The following KCNMA1 variants were observed in gnomAD, a reference collection of about 807,000 sequenced individuals.
KCNMA1 encodes potassium calcium-activated channel subfamily M alpha 1.
In KCNMA1, 29 loss-of-function variants were observed where a neutral mutation model predicts 140.0. The observed-to-expected ratio is 0.21, with a 90% confidence interval of 0.15 to 0.28. KCNMA1 has a LOEUF of 0.28. Ranked by LOEUF, KCNMA1 falls within the 10% of genes least tolerant of loss-of-function variation. The pLI, the probability that KCNMA1 is intolerant of heterozygous loss-of-function variation, is 1.00. For missense variants in KCNMA1, 880 were observed against 1,602.2 expected (o/e 0.55, Z 7.70); for synonymous variants, 612 against 611.9 (o/e 1.00, Z 0.00).
chr10:76,907,236 GTGTGCATTTCAAA>G (rs1207144909), intron 25 of KCNMA1, among the ~76,000 whole-genome samples: 1 of 152,150 alleles, frequency 6.6e-6, no homozygotes, highest in Non-Finnish European at 1.5e-5. Context: ...AAACATTTTT[GTGTGCATTTCAAA>G]GGAGATGAGA....
intron 1 of KCNMA1, among the ~76,000 whole-genome samples, chr10:77,572,603 T>TATATATATATAA (rs1491270036): frequency 4.1e-5 from 4 of 98,668 alleles, no homozygotes; most frequent in African/African-American, 1.2e-4. Flanking sequence ...TATATATATA[T>TATATATATATAA]AAATTAGCTG....
intron 2 of KCNMA1, among the ~76,000 whole-genome samples, chr10:77,300,008 C>T (rs2076176703): frequency 1.3e-5 from 2 of 152,240 alleles, no homozygotes; most frequent in Admixed American, 6.5e-5. Flanking sequence ...TCTCCCTGGG[C>T]TGGGCTCCAT....
chr10:77,323,772 C>T (rs1052489117), intron 2 of KCNMA1, among the ~76,000 whole-genome samples: 1 of 152,168 alleles, frequency 6.6e-6, no homozygotes, highest in African/African-American at 2.4e-5. Flanking sequence ...AGTCAAGTTC[C>T]ATGTCAGGCC....
intron 3 of KCNMA1, among the ~76,000 whole-genome samples, chr10:77,225,430 G>T (rs372417676): frequency 6.6e-6 from 1 of 152,080 alleles, no homozygotes; most frequent in Non-Finnish European, 1.5e-5. Flanking sequence ...TGCCCCAGGG[G>T]ACTCCCCCTG....
chr10:76,966,029 C>T (rs1233326228), intron 20 of KCNMA1, among the ~76,000 whole-genome samples: 1 of 152,176 alleles, frequency 6.6e-6, no homozygotes, highest in Non-Finnish European at 1.5e-5. Context: ...CTCTGCTAAA[C>T]TATAAGCATT....
chr10:77,281,781 A>G (rs879561512), intron 2 of KCNMA1, among the ~76,000 whole-genome samples: 1 of 152,248 alleles, frequency 6.6e-6, no homozygotes, highest in Non-Finnish European at 1.5e-5. Flanking sequence ...CAAAAAAGCC[A>G]GACATAAAGG....
At chr10:77,480,946 C>T (rs1027446589) in intron 1 of KCNMA1, among the ~76,000 whole-genome samples, 6 of 135,840 alleles carry the variant, frequency 4.4e-5, no homozygotes, top group Admixed American at 2.3e-4. Flanking sequence ...CCTGTCTCTA[C>T]TAAAAATACA....
chr10:77,183,458 G>C lies in KCNMA1; in HGVS notation c.771C>G (p.Pro257=), dbSNP rs367642241. Residue 257 remains proline (P), a synonymous_variant, in exon 5 of 28, where the codon CCC becomes CCG. Coordinates refer to ENST00000286628, the MANE Select transcript of KCNMA1 (RefSeq NM_001161352.2). ...TGTTTAAGTACACAGACACAAACAC[G>C]GGGGGCACCGTGAAGAAATCCACTA... ...NSVVDFFTVP[P]VFVSVYLNRS... The C allele has an allele frequency of 6.2e-7, 1 of 1,613,622 alleles. No individual in the cohort carries two copies. Among genetic ancestry groups the C allele is most frequent in the Non-Finnish European group, 8.5e-7 (1 of 1,179,730 alleles).
intron 2 of KCNMA1, among the ~76,000 whole-genome samples, chr10:77,289,193 C>A (rs2072230326): frequency 6.6e-6 from 1 of 152,224 alleles, no homozygotes; most frequent in Non-Finnish European, 1.5e-5. Flanking sequence ...CCTTGGCAGG[C>A]AAACCACACA....
intron 1 of KCNMA1, among the ~76,000 whole-genome samples, chr10:77,506,565 T>G (rs1343428750): frequency 5.1e-5 from 6 of 117,986 alleles, no homozygotes; most frequent in African/African-American, 2.0e-4. Context: ...GAAAGAGAGA[T>G]GTTCCTAGAG....
At chr10:77,142,634 G>A (rs913265991) in intron 5 of KCNMA1, among the ~76,000 whole-genome samples, 5 of 152,108 alleles carry the variant, frequency 3.3e-5, no homozygotes, top group Non-Finnish European at 7.4e-5. Flanking sequence ...ATCTTGAAGA[G>A]GGAAGTAGAT....
At chr10:77,509,143 C>T in intron 1 of KCNMA1, among the ~76,000 whole-genome samples, 1 of 145,164 alleles carries the variant, frequency 6.9e-6, no homozygotes, top group Non-Finnish European at 1.5e-5. Flanking sequence ...TGTTGTTTGA[C>T]AGAGTATCAC....
At chr10:77,412,410 C>T (rs560174539) in intron 1 of KCNMA1, among the ~76,000 whole-genome samples, 21 of 152,322 alleles carry the variant, frequency 1.4e-4, no homozygotes, top group Non-Finnish European at 2.5e-4. Flanking sequence ...TTGAAACTGA[C>T]CCAGCAGCCC....
intron 19 of KCNMA1, among the ~76,000 whole-genome samples, chr10:76,999,842 T>C (rs1433010856): frequency 6.6e-6 from 1 of 152,160 alleles, no homozygotes. Flanking sequence ...AGAATGACTC[T>C]CTGGTCCTAG....
At chr10:77,615,265 G>A (rs1051899465) in intron 1 of KCNMA1, among the ~76,000 whole-genome samples, 1 of 152,198 alleles carries the variant, frequency 6.6e-6, no homozygotes, top group Non-Finnish European at 1.5e-5. Context: ...AGGCCCCAGA[G>A]CAGCCCCAGG....
At chr10:77,484,266 C>T (rs148077138) in intron 1 of KCNMA1, among the ~76,000 whole-genome samples, 1,531 of 152,320 alleles carry the variant, frequency 0.01, 25 homozygotes, top group African/African-American at 0.035. Context: ...TATCCCGTTA[C>T]GTGGGTGTCG....
intron 19 of KCNMA1, among the ~76,000 whole-genome samples, chr10:76,984,321 C>T (rs2153234077): frequency 1.3e-5 from 2 of 152,158 alleles, no homozygotes; most frequent in South Asian, 4.1e-4. Flanking sequence ...AGTGTCTCAG[C>T]CTCCAAAGTA....
At chr10:77,540,294 T>G (rs996189477) in intron 1 of KCNMA1, among the ~76,000 whole-genome samples, 2 of 152,232 alleles carry the variant, frequency 1.3e-5, no homozygotes, top group Non-Finnish European at 2.9e-5. Context: ...AAGTCCAGGT[T>G]GGTATCCATA....
chr10:76,942,228 C>A (rs1369127851), intron 23 of KCNMA1, among the ~76,000 whole-genome samples: 1 of 152,090 alleles, frequency 6.6e-6, no homozygotes, highest in East Asian at 1.9e-4. Context: ...CCGCCTTAGC[C>A]TCCCAAGGCG....
Sources: gnomAD v4.1 joint callset for allele counts (sites outside exome capture counted in the v4.1 genomes callset) on GRCh38, gnomAD v4.1.1 for gene constraint, MANE v1.5 for transcripts, NCBI Gene and HGNC (gene_info 2026-07-23, HGNC 2026-07-21) for gene names.